WDR91: variants seen among roughly 807,000 people sequenced by gnomAD.
WDR91 encodes the protein WD repeat-containing protein 91.
A neutral mutation model predicts 88.4 loss-of-function variants in WDR91; 52 were observed. That is an observed-to-expected ratio of 0.59 (90% CI 0.47 to 0.74). WDR91 has a LOEUF of 0.74. Ranked by LOEUF, WDR91 falls within the 30% of genes least tolerant of loss-of-function variation. The pLI is 0.00. For missense variants in WDR91, 824 were observed against 954.5 expected (o/e 0.86, Z 1.80); for synonymous variants, 362 against 389.5 (o/e 0.93, Z 0.83).
chr7:135,198,126 G>A lies in WDR91; in HGVS notation c.917C>T (p.Ser306Phe). 1 of 1,613,554 alleles carries A rather than the reference G, an allele frequency of 6.2e-7. No homozygotes were observed. Residue 306 changes from serine to phenylalanine, a missense_variant, in exon 7 of 15, where the codon TCC becomes TTC. By Grantham distance (155) the Ser-to-Phe change is radical (BLOSUM62 -2). Coordinates refer to ENST00000354475, the MANE Select transcript of WDR91 (RefSeq NM_014149.4). ...GQGTKGKDPT[S>F]GAKDGKSLLS... is the part of the protein sequence containing the mutation. The stretch of plus-strand genomic sequence containing the variant: ...GAGGCTCTTCCCATCCTTGGCTCCG[G>A]ACGTCGGGTCCTTTCCCTTGGTGCC...
At chr7:135,193,701 A>G (rs1374467029) in intron 9 of WDR91, 29 bp from the exon 10 acceptor site, 1 of 1,602,458 alleles carries the variant, frequency 6.2e-7, no homozygotes, top group Non-Finnish European at 8.5e-7. Context: ...GGAGGTGGGA[A>G]GGATAGCATG....
At chr7:135,205,886 A>G (rs759260100) in intron 5 of WDR91, 42 bp downstream of exon 5, 2 of 1,611,304 alleles carry the variant, frequency 1.2e-6, no homozygotes, top group Non-Finnish European at 1.7e-6. Context: ...GGCTGAGAGC[A>G]CAGAGGGCAA....
rs764476502 is a variant in WDR91 at position 135,209,671 on chromosome 7, G to A, written c.208C>T (p.Arg70Cys). 3.7e-6 allele frequency: 6 copies of A among 1,613,410 alleles called. No individual in the cohort carries two copies. Among genetic ancestry groups the A allele is most frequent in the East Asian group, 4.5e-5 (2 of 44,850 alleles). The change falls in exon 2 of 15, where the codon CGT becomes TGT. Residue 70 changes from arginine to cysteine, a missense_variant. Coordinates refer to ENST00000354475, the MANE Select transcript of WDR91 (RefSeq NM_014149.4). ...ALRDYWSYLERRLFSRLEDIY... is the reference protein window; with the variant it reads ...ALRDYWSYLECRLFSRLEDIY... ...TCCTCCAAGCGGCTGAAGAGCCGAC[G>A]CTCCAAGTAGCTCCAATAATCCCGA...
Position 135,196,153 on chromosome 7 carries a change from A to G in WDR91, c.1235T>C (p.Met412Thr), listed in dbSNP as rs1831359503. 1.9e-6 allele frequency: 3 copies of G among 1,551,580 alleles called. No homozygotes were observed. The highest frequency in any genetic ancestry group is 2.6e-6 in the Non-Finnish European group (3 of 1,146,604). ...EEYGEHHSSI[M>T]HCRVDCSGRR... ...CCCAGGCCCAACCCACCTGCAGTGCATGATGGATGAGTGGTGTTCCCCGTA... is the reference window on the plus strand; with the variant it reads ...CCCAGGCCCAACCCACCTGCAGTGCGTGATGGATGAGTGGTGTTCCCCGTA... Residue 412 changes from methionine (M) to threonine (T), a missense_variant, in exon 8 of 15, where the codon ATG (methionine) becomes ACG (threonine). By Grantham distance (81) the Met-to-Thr change is moderately conservative. Transcript: ENST00000354475. This position sits in a 1 kb window ranked among gnomAD's most constrained non-coding sequence, Gnocchi z 4.2.
In WDR91 at chr7:135,209,730, T is replaced by A. The variant is rs1831944953; in HGVS notation, c.149A>T (p.Gln50Leu). 6.2e-7 allele frequency: 1 copy of A among 1,606,184 alleles called. No individual in the cohort carries two copies. Among genetic ancestry groups the A allele is most frequent in the African/African-American group, 1.3e-5 (1 of 74,716 alleles). Residue 50 changes from glutamine to leucine, a missense_variant, in exon 2 of 15, where the codon CAG becomes CTG. Gln to Leu is a moderately radical substitution (Grantham distance 113, BLOSUM62 -2). Coordinates refer to ENST00000354475, the MANE Select transcript of WDR91 (RefSeq NM_014149.4). ...CAAGTCATACACCTGCATTAACTGC[T>A]GCAGCTGGTCCACAATCTTATCCAC... The part of the protein sequence containing the change: ...FRVDKIVDQL[Q>L]QLMQVYDLAA...
intron 13 of WDR91, 113 bp from the exon 14 acceptor site, chr7:135,187,282 C>T (rs1406124862): frequency 6.0e-5 from 65 of 1,086,776 alleles, no homozygotes; most frequent in Non-Finnish European, 8.1e-5. Context: ...ACCCGCCTCC[C>T]CCAGCCACAG....
At chr7:135,207,932 C>T (rs567554026) in intron 3 of WDR91, among the ~76,000 whole-genome samples, 2 of 152,170 alleles carry the variant, frequency 1.3e-5, no homozygotes, top group Non-Finnish European at 2.9e-5. Context: ...GGAGAGCCCT[C>T]AGGATGAAGA....
At chr7:135,190,690 T>G (rs935106904) in intron 11 of WDR91, among the ~76,000 whole-genome samples, 10 of 152,112 alleles carry the variant, frequency 6.6e-5, no homozygotes, top group African/African-American at 2.4e-4. Context: ...AAAATGAAGG[T>G]GAGCTTCTAA....
At chr7:135,194,680 G>A (rs911034604) in intron 9 of WDR91, among the ~76,000 whole-genome samples, 2 of 152,160 alleles carry the variant, frequency 1.3e-5, no homozygotes, top group East Asian at 1.9e-4. Flanking sequence ...TCCCCAGGGC[G>A]GACCACCACA....
At chr7:135,202,967 C>A (rs949841703) in intron 6 of WDR91, among the ~76,000 whole-genome samples, 1 of 152,226 alleles carries the variant, frequency 6.6e-6, no homozygotes, top group Non-Finnish European at 1.5e-5. Flanking sequence ...CCAGGGCCTG[C>A]AGGAATACAA....
chr7:135,187,945 A>C (rs1831013765), intron 13 of WDR91, among the ~76,000 whole-genome samples: 1 of 152,156 alleles, frequency 6.6e-6, no homozygotes. Flanking sequence ...TGCCCCTGCC[A>C]GCTCCCCCTC....
intron 11 of WDR91, among the ~76,000 whole-genome samples, chr7:135,190,963 T>C (rs923969107): frequency 7.9e-5 from 12 of 152,158 alleles, no homozygotes; most frequent in African/African-American, 2.9e-4. Context: ...ACACAAATCC[T>C]CTGATTCAGA....
In WDR91 at chr7:135,193,213, C is replaced by G; in HGVS notation, c.1659+18G>C. 6.2e-7 allele frequency: 1 copy of G among 1,611,980 alleles called. No homozygotes were observed. The highest frequency in any genetic ancestry group is 2.2e-5 in the East Asian group (1 of 44,860). On this transcript the variant is annotated intron_variant, in intron 11 of 14. Transcript: ENST00000354475. ...GTGTGTGCCTGGCCCCAGAGAGAGC[C>G]ACAGGGCAGGCCCGTACCTGCTGCT...
At chr7:135,210,649 T>A (rs183569670) in intron 1 of WDR91, among the ~76,000 whole-genome samples, 1 of 152,324 alleles carries the variant, frequency 6.6e-6, no homozygotes, top group African/African-American at 2.4e-5. Flanking sequence ...AGTTTATAGA[T>A]CAGGCCACTG....
chr7:135,194,618 A>C (rs763460818), intron 9 of WDR91, among the ~76,000 whole-genome samples: 6 of 152,196 alleles, frequency 3.9e-5, no homozygotes, highest in Non-Finnish European at 5.9e-5. Flanking sequence ...GCGCCCACTG[A>C]AACTGCAGCT....
chr7:135,209,910 G>A (rs1831950769), intron 1 of WDR91, 155 bp from the exon 2 acceptor site: 2 of 553,022 alleles, frequency 3.6e-6, no homozygotes, highest in Non-Finnish European at 5.9e-6. Flanking sequence ...CTAATGCAAC[G>A]GTTTTTCAGT....
intron 1 of WDR91, 112 bp from the exon 2 acceptor site, chr7:135,209,867 TAA>T: frequency 1.0e-6 from 1 of 953,562 alleles, no homozygotes. Flanking sequence ...AAAAAATTTG[TAA>T]GTTAGCAATC....
Position 135,189,444 on chromosome 7 carries a change from G to C in WDR91, c.1668C>G (p.Phe556Leu). ...TAGCAATGGGTTCTGGATCCAGGGA[G>C]AACTGGAGCTATTGAAATAAAACAA... is the stretch of plus-strand genomic sequence containing the variant. ...DTKTMKQQLQ[F>L]SLDPEPIAIN... The change falls in exon 12 of 15, where the codon TTC becomes TTG. Residue 556 changes from phenylalanine (F) to leucine (L), a missense_variant. By Grantham distance (22) the Phe-to-Leu change is conservative. Coordinates refer to ENST00000354475, the MANE Select transcript of WDR91 (RefSeq NM_014149.4). 6.2e-7 allele frequency: 1 copy of C among 1,613,642 alleles called. No homozygotes were observed. The highest frequency in any genetic ancestry group is 8.5e-7 in the Non-Finnish European group (1 of 1,179,660).
intron 12 of WDR91, among the ~76,000 whole-genome samples, chr7:135,189,116 G>A (rs183107887): frequency 6.6e-6 from 1 of 152,300 alleles, no homozygotes; most frequent in East Asian, 1.9e-4. Flanking sequence ...AAGACTCAAG[G>A]ACCGCTGAGC....
Sources: gnomAD v4.1 joint callset for allele counts (sites outside exome capture counted in the v4.1 genomes callset) on GRCh38, gnomAD v4.1.1 for gene constraint, Gnocchi (gnomAD v3.1) non-coding constraint, MANE v1.5 for transcripts, NCBI Gene and HGNC (gene_info 2026-07-23, HGNC 2026-07-21) for gene names.